WDR17: variants seen among roughly 807,000 people sequenced by gnomAD.
WDR17 encodes the protein WD repeat-containing protein 17.
Under a neutral mutation model 161.7 loss-of-function variants are expected in WDR17, and 143 were observed. The ratio of observed to expected loss-of-function variants is 0.88; its 90% CI spans 0.77 to 1.02. The LOEUF (loss-of-function observed/expected upper bound fraction) is 1.02. Among genes scored for constraint, WDR17 ranks in the 50% least tolerant of loss-of-function variants. The pLI is 0.00. For missense variants in WDR17, 1,469 were observed against 1,520.9 expected (o/e 0.97, Z 0.57); for synonymous variants, 517 against 515.6 (o/e 1.00, Z -0.04).
intron 28 of WDR17, among the ~76,000 whole-genome samples, chr4:176,179,192 A>T (rs1751881605): frequency 6.6e-6 from 1 of 152,196 alleles, no homozygotes. Context: ...TGTCATTGGC[A>T]TTACTATTGT....
chr4:176,150,390 TATA>T (rs1746929252), intron 15 of WDR17, 75 bp from the exon 16 acceptor site: 1 of 1,521,332 alleles, frequency 6.6e-7, no homozygotes, highest in Middle Eastern at 1.8e-4. Context: ...ATGCCTGCAT[TATA>T]ATATTTTTGA....
At chr4:176,066,496 A>G (rs1485554052) in intron 1 of WDR17, among the ~76,000 whole-genome samples, 1 of 152,190 alleles carries the variant, frequency 6.6e-6, no homozygotes, top group Non-Finnish European at 1.5e-5. Context: ...GTACTAAGAA[A>G]GGTTTGAGTA....
At chr4:176,077,070 T>C (rs1037832638) in intron 1 of WDR17, among the ~76,000 whole-genome samples, 1 of 152,020 alleles carries the variant, frequency 6.6e-6, no homozygotes, top group African/African-American at 2.4e-5. Flanking sequence ...ATAAAAATAC[T>C]TTTTGCTTCC....
chr4:176,083,899 T>C (rs547203823), intron 1 of WDR17, among the ~76,000 whole-genome samples: 1 of 152,250 alleles, frequency 6.6e-6, no homozygotes, highest in East Asian at 1.9e-4. Flanking sequence ...CAGTTTTACT[T>C]TGTATTTCCC....
chr4:176,103,572 C>A (rs1738174448), intron 1 of WDR17, among the ~76,000 whole-genome samples: 1 of 151,222 alleles, frequency 6.6e-6, no homozygotes, highest in Non-Finnish European at 1.5e-5. Context: ...AATGTATGAA[C>A]AAAATAGAAA....
intron 1 of WDR17, among the ~76,000 whole-genome samples, chr4:176,087,474 T>C (rs1055445761): frequency 9.9e-5 from 15 of 152,172 alleles, no homozygotes; most frequent in Non-Finnish European, 1.0e-4. Flanking sequence ...TGTGCATAGA[T>C]AAGGTATCGC....
chr4:176,075,024 A>G (rs1032729622), intron 1 of WDR17, among the ~76,000 whole-genome samples: 35 of 151,940 alleles, frequency 2.3e-4, no homozygotes, highest in African/African-American at 7.2e-4. Flanking sequence ...ATGTGTATAT[A>G]GGTATATATT....
At chr4:176,168,409 AATT>A in intron 22 of WDR17, among the ~76,000 whole-genome samples, 1 of 152,334 alleles carries the variant, frequency 6.6e-6, no homozygotes, top group Middle Eastern at 3.4e-3. Context: ...TGATAAAATT[AATT>A]ATAAGTATGT....
At chr4:176,144,664 A>T (rs1257471309) in intron 11 of WDR17, among the ~76,000 whole-genome samples, 54 of 152,170 alleles carry the variant, frequency 3.5e-4, no homozygotes, top group Admixed American at 3.5e-3. Context: ...GCTTACTACC[A>T]AGCATATCTA....
intron 11 of WDR17, among the ~76,000 whole-genome samples, chr4:176,144,039 C>G (rs971189314): frequency 1.3e-5 from 2 of 152,156 alleles, no homozygotes; most frequent in African/African-American, 4.8e-5. Context: ...CTCCTTGCAT[C>G]CAGCCACACT....
At position 176,177,623 on chromosome 4, in the gene WDR17, A is replaced by G; in HGVS notation, c.3701A>G (p.His1234Arg). 6.3e-7 allele frequency: 1 copy of G among 1,595,818 alleles called. No homozygotes were observed. Among genetic ancestry groups the G allele is most frequent in the Non-Finnish European group, 8.5e-7 (1 of 1,175,334 alleles). Reference protein sequence around the residue: ...GSNLPSHSDIHISCLTGLKIQ... With the variant: ...GSNLPSHSDIRISCLTGLKIQ... ...AATCTTCCAAGTCATTCTGATATTC[A>G]CATTTCTTGTCTTACGGGATTAAAA... The change falls in exon 28 of 29, where the codon CAC becomes CGC. Residue 1234 changes from histidine (H) to arginine (R), a missense_variant. Transcript: ENST00000508596.
Position 176,083,046 on chromosome 4 carries a change from C to A in WDR17, c.-7+16967C>A, listed in dbSNP as rs577772743. Among the ~76,000 whole-genome samples, 11 of 152,010 alleles carry A rather than the reference C, an allele frequency of 7.2e-5. No individual in the cohort carries two copies. In the South Asian group the frequency reaches 2.3e-3, roughly 32 times the overall value. ...TGTTTGATAGATTTTCTTAGAAAAC[C>A]AAATTATATTAAATAGCAATTAACT... On this transcript the variant is annotated intron_variant, in intron 1 of 28. Transcript: ENST00000508596.
chr4:176,160,512 G>A (rs1748875240), intron 19 of WDR17, among the ~76,000 whole-genome samples: 1 of 152,022 alleles, frequency 6.6e-6, no homozygotes, highest in South Asian at 2.1e-4. Context: ...AGTGGAGATG[G>A]GGTTTCACCA....
In WDR17 at chr4:176,159,393, C is replaced by T. The variant is rs567723464; in HGVS notation, c.2526-601C>T. The stretch of plus-strand genomic sequence containing the variant: ...CAGAGACAGATTACAGAAACAGACA[C>T]ATGTACACCCTTCACAATCTCTAAG... On this transcript the variant is annotated intron_variant, in intron 18 of 28. Coordinates refer to ENST00000508596, the MANE Select transcript of WDR17 (RefSeq NM_181265.4). Among the ~76,000 whole-genome samples the T allele has an allele frequency of 1.2e-4, 18 of 152,100 alleles. No homozygotes were observed. In the South Asian group the frequency reaches 3.7e-3, roughly 32 times the overall value.
At chr4:176,091,603 A>G (rs1736129997) in intron 1 of WDR17, among the ~76,000 whole-genome samples, 1 of 152,170 alleles carries the variant, frequency 6.6e-6, no homozygotes, top group Admixed American at 6.5e-5. Flanking sequence ...GCAAGAGCAA[A>G]CCAAACCCAG....
intron 1 of WDR17, among the ~76,000 whole-genome samples, chr4:176,079,717 T>G (rs2126586305): frequency 6.6e-6 from 1 of 152,230 alleles, no homozygotes; most frequent in Admixed American, 6.5e-5. Flanking sequence ...AAAATAAGTT[T>G]ATTTCTTACC....
At chr4:176,145,873 T>C (rs2126801456) in intron 11 of WDR17, 122 bp from the exon 12 acceptor site, 1 of 798,472 alleles carries the variant, frequency 1.3e-6, no homozygotes, top group East Asian at 2.8e-5. Flanking sequence ...TGTAAGTTTT[T>C]AGTCTAACTT....
At chr4:176,101,515 A>T (rs1327882558) in intron 1 of WDR17, among the ~76,000 whole-genome samples, 1 of 151,136 alleles carries the variant, frequency 6.6e-6, no homozygotes, top group East Asian at 1.9e-4. Flanking sequence ...CAAGGAATTT[A>T]AAAAACTACA....
At position 176,086,548 on chromosome 4, in the gene WDR17, G is replaced by A. The variant is rs547977893; in HGVS notation, c.-7+20469G>A. ...ATTGTCACCTTTATCTTTAAGCAAC[G>A]TTCCTCTCTTTTTGGTAATATTTCT... On this transcript the variant is annotated intron_variant, in intron 1 of 28. Coordinates refer to ENST00000508596, the MANE Select transcript of WDR17 (RefSeq NM_181265.4). 5.9e-5 allele frequency among the ~76,000 whole-genome samples: 9 copies of A among 151,780 alleles called. 1 individual carries two copies. Among genetic ancestry groups the A allele is most frequent in the African/African-American group, 2.2e-4 (9 of 41,492 alleles).
Sources: allele counts gnomAD v4.1 joint callset (sites outside exome capture counted in the v4.1 genomes callset), GRCh38; gene constraint gnomAD v4.1.1; transcripts MANE v1.5; gene names NCBI Gene and HGNC (gene_info 2026-07-23, HGNC 2026-07-21).